LRMDA: variants seen among roughly 807,000 people sequenced by gnomAD.
LRMDA encodes leucine-rich melanocyte differentiation-associated protein.
Under a neutral mutation model 29.8 loss-of-function variants are expected in LRMDA, and 18 were observed. The ratio of observed to expected loss-of-function variants is 0.60; its 90% CI spans 0.42 to 0.90. LRMDA has a LOEUF of 0.90. Ranked by LOEUF, LRMDA falls within the 40% of genes least tolerant of loss-of-function variation. The pLI, the probability that LRMDA is intolerant of heterozygous loss-of-function variation, is 0.00. For synonymous variants in LRMDA, 125 were observed against 109.4 expected (o/e 1.14, Z -0.89); for missense variants, 273 against 273.9 (o/e 1.00, Z 0.02).
chr10:76,373,692 C>T (rs1425880994), intron 6 of LRMDA, among the ~76,000 whole-genome samples: 2 of 152,124 alleles, frequency 1.3e-5, no homozygotes, highest in Admixed American at 6.6e-5. Context: ...CTCATTTTCA[C>T]ATATGGATCA....
At chr10:75,899,536 C>T (rs1372746511) in intron 2 of LRMDA, among the ~76,000 whole-genome samples, 1 of 152,208 alleles carries the variant, frequency 6.6e-6, no homozygotes, top group Non-Finnish European at 1.5e-5. Flanking sequence ...CAGTCATGGA[C>T]AGTTACTGGG....
chr10:76,521,239 T>A (rs922635244), intron 6 of LRMDA, among the ~76,000 whole-genome samples: 1 of 151,864 alleles, frequency 6.6e-6, no homozygotes, highest in Non-Finnish European at 1.5e-5. Context: ...GTTCATGCCA[T>A]TCTCCTGCCT....
chr10:76,054,138 G>A (rs539958823), intron 4 of LRMDA, among the ~76,000 whole-genome samples: 1 of 152,308 alleles, frequency 6.6e-6, no homozygotes, highest in South Asian at 2.1e-4. Flanking sequence ...TGTTGAACGA[G>A]TGAATGTATG....
intron 6 of LRMDA, among the ~76,000 whole-genome samples, chr10:76,512,241 A>G (rs1843015624): frequency 6.6e-6 from 1 of 152,180 alleles, no homozygotes; most frequent in South Asian, 2.1e-4. Flanking sequence ...CTGTAAGTCC[A>G]ATTAAACCTC....
chr10:76,373,750 T>C (rs768366881), intron 6 of LRMDA, among the ~76,000 whole-genome samples: 5 of 152,122 alleles, frequency 3.3e-5, no homozygotes, highest in Non-Finnish European at 7.4e-5. Context: ...TATCCCCTCA[T>C]TGTGTTTCAA....
intron 6 of LRMDA, among the ~76,000 whole-genome samples, chr10:76,393,162 C>T (rs1292313077): frequency 2.0e-5 from 3 of 152,128 alleles, no homozygotes; most frequent in African/African-American, 7.2e-5. Context: ...ATCTCTCCTA[C>T]ATACTGATTT....
intron 5 of LRMDA, among the ~76,000 whole-genome samples, chr10:76,311,720 C>T (rs561927983): frequency 3.3e-5 from 5 of 152,314 alleles, no homozygotes; most frequent in African/African-American, 1.2e-4. Context: ...CTGCAAAGAT[C>T]AGGCCTCTTG....
At chr10:76,420,989 G>A (rs962781346) in intron 6 of LRMDA, among the ~76,000 whole-genome samples, 29 of 152,038 alleles carry the variant, frequency 1.9e-4, no homozygotes, top group African/African-American at 3.9e-4. Flanking sequence ...TAGTCCTCAC[G>A]TGCAGTATTC....
At chr10:75,829,841 CTTTTT>C (rs34025294) in intron 2 of LRMDA, among the ~76,000 whole-genome samples, 1 of 89,448 alleles carries the variant, frequency 1.1e-5, no homozygotes, top group African/African-American at 4.1e-5. Context: ...GAATAGGCCA[CTTTTT>C]TTTTTTTTTT....
chr10:75,579,902 G>A (rs370015830), intron 2 of LRMDA, among the ~76,000 whole-genome samples: 1 of 152,118 alleles, frequency 6.6e-6, no homozygotes, highest in African/African-American at 2.4e-5. Flanking sequence ...CAATAAACCA[G>A]ATATTGATGG....
chr10:75,467,974 A>ACACG (rs1844676306), intron 2 of LRMDA, among the ~76,000 whole-genome samples: 1 of 151,234 alleles, frequency 6.6e-6, no homozygotes, highest in Non-Finnish European at 1.5e-5. Context: ...ACACACACAC[A>ACACG]CACACACACA....
chr10:76,068,197 C>G (rs946232974), intron 5 of LRMDA, among the ~76,000 whole-genome samples: 1 of 152,154 alleles, frequency 6.6e-6, no homozygotes, highest in Non-Finnish European at 1.5e-5. Context: ...TAGGTAATAG[C>G]AGATAAGAAG....
chr10:75,704,096 G>C (rs923755753), intron 2 of LRMDA, among the ~76,000 whole-genome samples: 1 of 152,210 alleles, frequency 6.6e-6, no homozygotes, highest in Non-Finnish European at 1.5e-5. Context: ...ACTCTGCAGA[G>C]TTTATGACAA....
chr10:75,853,377 T>C (rs911356896), intron 2 of LRMDA, among the ~76,000 whole-genome samples: 1 of 152,082 alleles, frequency 6.6e-6, no homozygotes, highest in African/African-American at 2.4e-5. Flanking sequence ...TACTTCTTTG[T>C]GTTGTGATAA....
chr10:76,173,711 A>T (rs754465726), intron 5 of LRMDA, among the ~76,000 whole-genome samples: 14 of 152,252 alleles, frequency 9.2e-5, no homozygotes, highest in Non-Finnish European at 1.3e-4. Context: ...CCCAGGCTGG[A>T]GTGCAGTGGT....
At chr10:75,843,035 A>G (rs1331716392) in intron 2 of LRMDA, among the ~76,000 whole-genome samples, 1 of 152,196 alleles carries the variant, frequency 6.6e-6, no homozygotes, top group Non-Finnish European at 1.5e-5. Flanking sequence ...ATACGTAAGT[A>G]AATAAGTAAA....
intron 6 of LRMDA, among the ~76,000 whole-genome samples, chr10:76,494,797 T>C (rs955937755): frequency 1.3e-5 from 2 of 151,988 alleles, no homozygotes; most frequent in Non-Finnish European, 2.9e-5. Context: ...TGGTATGTTG[T>C]ATTTTAATTT....
chr10:76,371,040 G>A (rs1478408649), intron 6 of LRMDA, among the ~76,000 whole-genome samples: 1 of 152,124 alleles, frequency 6.6e-6, no homozygotes, highest in Non-Finnish European at 1.5e-5. Context: ...CAATTAATAG[G>A]AATCAACTGG....
intron 2 of LRMDA, among the ~76,000 whole-genome samples, chr10:75,711,919 A>AAT (rs1554821804): frequency 1.9e-3 from 291 of 149,330 alleles, no homozygotes; most frequent in African/African-American, 6.6e-3. Flanking sequence ...TTGAAGGTAA[A>AAT]ACACACACAC....
Sources: gnomAD v4.1 joint callset for allele counts (sites outside exome capture counted in the v4.1 genomes callset) on GRCh38, gnomAD v4.1.1 for gene constraint, MANE v1.5 for transcripts, NCBI Gene and HGNC (gene_info 2026-07-23, HGNC 2026-07-21) for gene names.